MANBA: variants seen among roughly 807,000 people sequenced by gnomAD.
MANBA encodes beta-mannosidase.
MANBA carries 83 observed loss-of-function variants against 111.1 expected under a neutral mutation model. That is an observed-to-expected ratio of 0.75 (90% CI 0.63 to 0.90). The LOEUF (loss-of-function observed/expected upper bound fraction) is 0.90, where lower values mean the gene tolerates loss of function less well. Ranked by LOEUF, MANBA falls within the 40% of genes least tolerant of loss-of-function variation. The probability of loss-of-function intolerance (pLI) is 0.00; values close to 1 mark genes in which losing one functional copy is unlikely to be tolerated. For missense variants in MANBA, 1,036 were observed against 1,069.0 expected (o/e 0.97, Z 0.43); for synonymous variants, 370 against 378.7 (o/e 0.98, Z 0.27).
intron 5 of MANBA, among the ~76,000 whole-genome samples, chr4:102,694,171 A>G (rs979746764): frequency 1.3e-5 from 2 of 152,190 alleles, no homozygotes; most frequent in African/African-American, 4.8e-5. Flanking sequence ...CCTCCAGAGC[A>G]TCACCCGTTA....
At chr4:102,692,348 G>A (rs1260734134) in intron 5 of MANBA, among the ~76,000 whole-genome samples, 1 of 152,164 alleles carries the variant, frequency 6.6e-6, no homozygotes, top group African/African-American at 2.4e-5. Context: ...ATGAACTTTG[G>A]GTGCAGAGTT....
chr4:102,748,333 T>C (rs146939891), intron 1 of MANBA, among the ~76,000 whole-genome samples: 2 of 152,162 alleles, frequency 1.3e-5, no homozygotes, highest in African/African-American at 4.8e-5. Flanking sequence ...TGGTACATAG[T>C]GTGCACTCAA....
chr4:102,719,091 C>T (rs1489011064), intron 4 of MANBA, among the ~76,000 whole-genome samples: 1 of 152,144 alleles, frequency 6.6e-6, no homozygotes, highest in Non-Finnish European at 1.5e-5. Flanking sequence ...GCTGGAATTT[C>T]CCAATCCTAG....
intron 1 of MANBA, among the ~76,000 whole-genome samples, chr4:102,756,149 A>C (rs959749345): frequency 6.6e-6 from 1 of 152,240 alleles, no homozygotes; most frequent in African/African-American, 2.4e-5. Context: ...ATTATAAATC[A>C]TGCTACTATA....
chr4:102,664,909 G>T, intron 10 of MANBA, 57 bp from the exon 11 acceptor site: 1 of 1,354,946 alleles, frequency 7.4e-7, no homozygotes, highest in Non-Finnish European at 1.1e-6. Context: ...AAAATTCAGA[G>T]CTATAATTAC....
chr4:102,660,882 C>T (rs1341177928), intron 11 of MANBA, among the ~76,000 whole-genome samples: 3 of 151,760 alleles, frequency 2.0e-5, no homozygotes, highest in African/African-American at 7.3e-5. Context: ...AACCTCTCAC[C>T]TCCCTAATCT....
At chr4:102,647,116 T>C (rs1303955306) in intron 13 of MANBA, among the ~76,000 whole-genome samples, 11 of 151,634 alleles carry the variant, frequency 7.3e-5, no homozygotes, top group Non-Finnish European at 1.6e-4. Flanking sequence ...AAGAGGACTG[T>C]TCTAAAATCA....
intron 5 of MANBA, among the ~76,000 whole-genome samples, chr4:102,702,905 G>A (rs147523488): frequency 6.1e-4 from 93 of 152,310 alleles, no homozygotes; most frequent in Middle Eastern, 3.4e-3. Context: ...GGCAGAAAGT[G>A]TCCCATAGAC....
At chr4:102,724,005 A>C (rs770286150) in intron 2 of MANBA, 38 bp from the exon 3 acceptor site, 1 of 1,113,660 alleles carries the variant, frequency 9.0e-7, no homozygotes, top group Admixed American at 1.8e-5. Context: ...AAGATGTGTA[A>C]AGCATTAACT....
chr4:102,669,761 A>G (rs1731404644), intron 9 of MANBA, among the ~76,000 whole-genome samples: 1 of 152,180 alleles, frequency 6.6e-6, no homozygotes, highest in African/African-American at 2.4e-5. Flanking sequence ...TGGGCAGATC[A>G]CGAGGTCAGG....
intron 11 of MANBA, among the ~76,000 whole-genome samples, chr4:102,660,481 AAGAC>A (rs1469226685): frequency 1.3e-5 from 2 of 152,168 alleles, no homozygotes; most frequent in African/African-American, 4.8e-5. Context: ...AAATTGTTAA[AAGAC>A]AGAATGTTGC....
chr4:102,632,227 C>T lies in MANBA; in HGVS notation c.2470G>A (p.Val824Ile), dbSNP rs1246857426. 5 of 1,613,518 alleles carry T rather than the reference C, an allele frequency of 3.1e-6. No individual in the cohort carries two copies. The highest frequency in any genetic ancestry group is 4.2e-6 in the Non-Finnish European group (5 of 1,179,806). Residue 824 changes from valine to isoleucine, a missense_variant, in exon 17 of 17, where the codon GTC becomes ATC. Physicochemically the swap from Val to Ile is conservative, Grantham distance 29. Coordinates refer to ENST00000647097, the MANE Select transcript of MANBA (RefSeq NM_005908.4). ...ACATCCAACCAAACAAAGGGAGCGA[C>T]AGCTGAGGTCTCCAGGTCAAAAACA... is the stretch of plus-strand genomic sequence containing the variant. ...IFVFDLETSA[V>I]APFVWLDVGS...
At chr4:102,700,299 C>G (rs1479916688) in intron 5 of MANBA, among the ~76,000 whole-genome samples, 130 of 152,056 alleles carry the variant, frequency 8.5e-4, no homozygotes, top group African/African-American at 2.9e-3. Flanking sequence ...TTGATCCTTT[C>G]AAAAAACCAG....
chr4:102,631,571 A>AGG lies in MANBA; in HGVS notation c.*485_*486insCC, dbSNP rs1461582331. ...AAAATACCCATATACCTTTACCCAA[A>AGG]TAGCTACCACCAAGAAATCTCTGTT... On this transcript the variant is annotated 3_prime_UTR_variant, in exon 17 of 17. Coordinates refer to ENST00000647097, the MANE Select transcript of MANBA (RefSeq NM_005908.4). 9.8e-5 allele frequency: 40 copies of AGG among 409,892 alleles called. No individual in the cohort carries two copies. Among genetic ancestry groups the AGG allele is most frequent in the African/African-American group, 6.8e-4 (33 of 48,876 alleles). 25.4% of individuals were successfully genotyped at this position (409,892 alleles called of 1,614,324 possible). A position where few individuals can be genotyped will look rare whatever the true frequency, so the allele number is the denominator to read the frequency against.
At chr4:102,653,448 A>G (rs1198729315) in intron 12 of MANBA, among the ~76,000 whole-genome samples, 1 of 152,260 alleles carries the variant, frequency 6.6e-6, no homozygotes, top group African/African-American at 2.4e-5. Flanking sequence ...TGTTAAAATT[A>G]TATTTTATGA....
chr4:102,741,750 A>C (rs556424065), intron 1 of MANBA, among the ~76,000 whole-genome samples: 102 of 152,336 alleles, frequency 6.7e-4, no homozygotes, highest in Middle Eastern at 3.4e-3. Flanking sequence ...TAAGAATGAT[A>C]TAGTGGACTC....
At chr4:102,679,884 T>G (rs1387440494) in intron 7 of MANBA, among the ~76,000 whole-genome samples, 1 of 152,150 alleles carries the variant, frequency 6.6e-6, no homozygotes, top group East Asian at 1.9e-4. Context: ...GCCTTTGTTC[T>G]TTTGACTTTC....
chr4:102,667,957 G>C (rs1050608244), intron 10 of MANBA: 1 of 152,152 alleles, frequency 6.6e-6, no homozygotes, highest in Non-Finnish European at 1.5e-5. Flanking sequence ...CATTTCCAAT[G>C]GATGCTAATG....
Position 102,631,775 on chromosome 4 carries a change from G to A in MANBA, c.*282C>T, listed in dbSNP as rs1729386181. On this transcript the variant is annotated 3_prime_UTR_variant, in exon 17 of 17. Transcript: ENST00000647097. Reference sequence around the variant, plus strand: ...CTGCAGGGCCATCTTGTTATAACTGGTTCATGTCCTGCTAAAGCTGAGAGG... The same window carrying A: ...CTGCAGGGCCATCTTGTTATAACTGATTCATGTCCTGCTAAAGCTGAGAGG... 1.7e-6 allele frequency: 1 copy of A among 597,708 alleles called. No homozygotes were observed. The highest frequency in any genetic ancestry group is 3.0e-6 in the Non-Finnish European group (1 of 336,828). 37.0% of individuals were successfully genotyped at this position (597,708 alleles called of 1,614,324 possible).
Sources: gnomAD v4.1 joint callset for allele counts (sites outside exome capture counted in the v4.1 genomes callset) on GRCh38, gnomAD v4.1.1 for gene constraint, MANE v1.5 for transcripts, NCBI Gene and HGNC (gene_info 2026-07-23, HGNC 2026-07-21) for gene names.